The following ERBB4 variants were observed in gnomAD, a reference collection of about 807,000 sequenced individuals.
The protein encoded by ERBB4 is receptor tyrosine-protein kinase erbB-4.
A neutral mutation model predicts 158.0 loss-of-function variants in ERBB4; 42 were observed. The observed-to-expected ratio is 0.27, with a 90% CI of 0.21 to 0.34. The LOEUF is 0.34. Ranked by LOEUF, ERBB4 falls within the 10% of genes least tolerant of loss-of-function variation. The probability of loss-of-function intolerance (pLI) is 1.00; values close to 1 mark genes in which losing one functional copy is unlikely to be tolerated. For missense variants in ERBB4, 1,333 were observed against 1,624.1 expected, an observed-to-expected ratio of 0.82 and a Z score of 3.08; for synonymous variants, 583 against 558.7, an observed-to-expected ratio of 1.04 and a Z score of -0.61.
intron 1 of ERBB4, among the ~76,000 whole-genome samples, chr2:212,373,963 CATATATATCCATAT>C (rs1319365668): frequency 4.0e-5 from 4 of 101,088 alleles, no homozygotes; most frequent in East Asian, 2.4e-4. Context: ...TATATATATC[CATATATATCCATAT>C]ATATATATCC....
intron 19 of ERBB4, among the ~76,000 whole-genome samples, chr2:211,599,658 T>C (rs1574836106): frequency 6.6e-6 from 1 of 152,072 alleles, no homozygotes; most frequent in Non-Finnish European, 1.5e-5. Flanking sequence ...ATGAAAACAA[T>C]GGCCACCATA....
At chr2:211,602,725 G>T (rs2068838435) in intron 19 of ERBB4, among the ~76,000 whole-genome samples, 1 of 152,026 alleles carries the variant, frequency 6.6e-6, no homozygotes, top group Non-Finnish European at 1.5e-5. Context: ...TCCTGATTGG[G>T]CATAGACTAC....
chr2:211,997,345 C>T (rs1339444927), intron 2 of ERBB4, among the ~76,000 whole-genome samples: 2 of 151,496 alleles, frequency 1.3e-5, no homozygotes, highest in East Asian at 3.9e-4. Flanking sequence ...TAGTAACTTT[C>T]ACTTGTTAAA....
rs553323060 is a variant in ERBB4 at position 212,058,653 on chromosome 2, C to T, written c.234+66099G>A. ...GGTTCAACATACGCAAATCAATCAA[C>T]GTAATACAGCATATAAAAAGAACTA... is the stretch of plus-strand genomic sequence containing the variant. On this transcript the variant is annotated intron_variant, in intron 2 of 27. Transcript: ENST00000342788. Among the ~76,000 whole-genome samples the T allele has an allele frequency of 2.6e-3, 396 of 152,150 alleles. 1 individual carries two copies. Among genetic ancestry groups the T allele is most frequent in the African/African-American group, 9.1e-3 (378 of 41,502 alleles).
chr2:211,489,460 G>A (rs943182080), intron 20 of ERBB4, among the ~76,000 whole-genome samples: 5 of 151,898 alleles, frequency 3.3e-5, no homozygotes, highest in South Asian at 2.1e-4. Flanking sequence ...TGAATTAAAC[G>A]TAAAAAACTT....
intron 4 of ERBB4, among the ~76,000 whole-genome samples, chr2:211,784,913 G>T (rs2106311002): frequency 6.6e-6 from 1 of 152,148 alleles, no homozygotes; most frequent in East Asian, 1.9e-4. Flanking sequence ...CCATCTTGTA[G>T]AAATGTCTAT....
chr2:211,597,156 A>C (rs2068658485), intron 19 of ERBB4, among the ~76,000 whole-genome samples: 1 of 152,160 alleles, frequency 6.6e-6, no homozygotes, highest in African/African-American at 2.4e-5. Context: ...GCAATATCCA[A>C]ATGGTCTATA....
chr2:211,905,822 GA>G (rs1461037148), intron 3 of ERBB4, among the ~76,000 whole-genome samples: 1 of 148,968 alleles, frequency 6.7e-6, no homozygotes, highest in Non-Finnish European at 1.5e-5. Flanking sequence ...GTGGCATTTG[GA>G]AAAACACTTA....
intron 3 of ERBB4, among the ~76,000 whole-genome samples, chr2:211,801,850 T>C (rs1214028054): frequency 6.6e-6 from 1 of 152,196 alleles, no homozygotes; most frequent in Non-Finnish European, 1.5e-5. Flanking sequence ...TATATAGTTA[T>C]ATCATATTTG....
At chr2:211,600,513 T>C (rs1008751815) in intron 19 of ERBB4, among the ~76,000 whole-genome samples, 2 of 152,102 alleles carry the variant, frequency 1.3e-5, no homozygotes, top group African/African-American at 4.8e-5. Flanking sequence ...AGAAATTTAG[T>C]AGCGCAGATG....
chr2:212,043,498 A>C lies in ERBB4; in HGVS notation c.234+81254T>G, dbSNP rs532752982. On this transcript the variant is annotated intron_variant, in intron 2 of 27. Coordinates refer to ENST00000342788, the MANE Select transcript of ERBB4 (RefSeq NM_005235.3). Reference sequence around the variant, plus strand: ...CAGATATTAAAGTGCAAAAGGTATCAAAATGCAATCAAGATTAACAGGGAT... The same window carrying C: ...CAGATATTAAAGTGCAAAAGGTATCCAAATGCAATCAAGATTAACAGGGAT... 5.3e-5 allele frequency among the ~76,000 whole-genome samples: 8 copies of C among 152,312 alleles called. No homozygotes were observed. In the South Asian group the frequency reaches 1.7e-3, roughly 32 times the overall value.
chr2:212,472,147 G>A (rs369029355), intron 1 of ERBB4, among the ~76,000 whole-genome samples: 18 of 151,836 alleles, frequency 1.2e-4, no homozygotes, highest in Middle Eastern at 6.8e-3. Flanking sequence ...TCTCAATTGT[G>A]GTTTGTTCAA....
rs7421839 is a variant in ERBB4 at position 211,811,576 on chromosome 2, G to T, written c.422-23417C>A. ...ATGTTGGCCTGCCTTGCTAGGTTGG[G>T]GAAGTTCCCCTGGATAACATCCTGA... On this transcript the variant is annotated intron_variant, in intron 3 of 27. Coordinates refer to ENST00000342788, the MANE Select transcript of ERBB4 (RefSeq NM_005235.3). Among the ~76,000 whole-genome samples the T allele has an allele frequency of 4.3e-3, 656 of 152,088 alleles. 15 individuals carry two copies. The highest frequency in any genetic ancestry group is 0.04 in the Admixed American group (615 of 15,292).
At chr2:212,043,920 A>T (rs555476051) in intron 2 of ERBB4, among the ~76,000 whole-genome samples, 6 of 152,134 alleles carry the variant, frequency 3.9e-5, no homozygotes, top group Admixed American at 3.9e-4. Context: ...CTCAATAAAT[A>T]TTACATATTA....
At chr2:212,151,261 ATATT>A (rs1346777788) in intron 1 of ERBB4, among the ~76,000 whole-genome samples, 1 of 150,946 alleles carries the variant, frequency 6.6e-6, no homozygotes, top group Non-Finnish European at 1.5e-5. Flanking sequence ...TTAAATATAT[ATATT>A]TAATATATAC....
chr2:212,184,730 A>C (rs2081968213), intron 1 of ERBB4, among the ~76,000 whole-genome samples: 1 of 152,216 alleles, frequency 6.6e-6, no homozygotes, highest in Non-Finnish European at 1.5e-5. Context: ...ATAATAATAA[A>C]AATGTAGCAT....
intron 18 of ERBB4, 132 bp from the exon 19 acceptor site, chr2:211,619,407 A>G: frequency 1.6e-6 from 1 of 641,556 alleles, no homozygotes; most frequent in East Asian, 2.7e-5. Context: ...GTTACAAGTT[A>G]CTCTGCAACT....
intron 20 of ERBB4, among the ~76,000 whole-genome samples, chr2:211,557,159 A>G (rs976843268): frequency 1.3e-5 from 2 of 152,180 alleles, no homozygotes; most frequent in Non-Finnish European, 2.9e-5. Context: ...AACTATAAAA[A>G]CCATGGAAGA....
chr2:211,484,392 A>G (rs1445217137), intron 20 of ERBB4, among the ~76,000 whole-genome samples: 1 of 152,222 alleles, frequency 6.6e-6, no homozygotes, highest in African/African-American at 2.4e-5. Flanking sequence ...ATCACATTAA[A>G]TGGTCTAAAC....
Sources: gnomAD v4.1 joint callset for allele counts (sites outside exome capture counted in the v4.1 genomes callset) on GRCh38, gnomAD v4.1.1 for gene constraint, MANE v1.5 for transcripts, NCBI Gene and HGNC (gene_info 2026-07-23, HGNC 2026-07-21) for gene names.